The following ERBB4 variants were observed in gnomAD, a reference collection of about 807,000 sequenced individuals.
ERBB4 encodes erb-b2 receptor tyrosine kinase 4.
Under a neutral mutation model 158.0 loss-of-function variants are expected in ERBB4, and 42 were observed. The ratio of observed to expected loss-of-function variants is 0.27; its 90% CI spans 0.21 to 0.34. ERBB4 has a LOEUF of 0.34. ERBB4 is among the 10% of genes least tolerant of loss of function. The probability of loss-of-function intolerance (pLI) is 1.00; values close to 1 mark genes in which losing one functional copy is unlikely to be tolerated. For missense variants in ERBB4, 1,333 were observed against 1,624.1 expected (o/e 0.82, Z 3.08); for synonymous variants, 583 against 558.7 (o/e 1.04, Z -0.61).
intron 1 of ERBB4, among the ~76,000 whole-genome samples, chr2:212,506,318 C>T (rs1691193663): frequency 6.7e-6 from 1 of 148,372 alleles, no homozygotes; most frequent in Non-Finnish European, 1.5e-5. Context: ...AATAACCATA[C>T]AATGGTCTTT....
rs570131138 is a variant in ERBB4 at position 211,382,687 on chromosome 2, A to G, written c.*928T>C. 6.9e-4 allele frequency: 161 copies of G among 232,704 alleles called. 2 individuals carry two copies. The Middle Eastern group carries it at 0.017, about 24-fold the overall frequency. 14.4% of individuals were successfully genotyped at this position (232,704 alleles called of 1,614,324 possible). ...TCTTAGTTTCCCTTCTACTCTTCAG[A>G]CAACCAACGGCCTATCAAGTAGTGT... On this transcript the variant is annotated 3_prime_UTR_variant, in exon 28 of 28. Transcript: ENST00000342788.
Position 211,858,135 on chromosome 2 carries a change from GAAGA to G in ERBB4, c.422-69980_422-69977del, listed in dbSNP as rs977178642. ...AGGGAAATAAGACTGAAGGAGGTGAGAAGAAAGAGAGTGTGGAAGAGGTGAAGAA... is the reference window on the plus strand; with the variant it reads ...AGGGAAATAAGACTGAAGGAGGTGAGAAGAGAGTGTGGAAGAGGTGAAGAA... On this transcript the variant is annotated intron_variant, in intron 3 of 27. Coordinates refer to ENST00000342788, the MANE Select transcript of ERBB4 (RefSeq NM_005235.3). 2.0e-5 allele frequency among the ~76,000 whole-genome samples: 3 copies of G among 152,320 alleles called. No individual in the cohort carries two copies. The East Asian group carries it at 5.8e-4, about 29-fold the overall frequency.
In ERBB4 at chr2:211,982,609, G is replaced by C. The variant is rs1238094379; in HGVS notation, c.235-34993C>G. 2.0e-5 allele frequency among the ~76,000 whole-genome samples: 3 copies of C among 152,150 alleles called. No homozygotes were observed. The East Asian group carries it at 5.8e-4, about 29-fold the overall frequency. ...AAATTGTGAAAGACTTTGGACAAAAGGAATACTGGGAGTCCTTTCAATAGA... is the reference window on the plus strand; with the variant it reads ...AAATTGTGAAAGACTTTGGACAAAACGAATACTGGGAGTCCTTTCAATAGA... On this transcript the variant is annotated intron_variant, in intron 2 of 27. Transcript: ENST00000342788.
At chr2:211,850,791 A>G (rs1444251143) in intron 3 of ERBB4, among the ~76,000 whole-genome samples, 1 of 151,936 alleles carries the variant, frequency 6.6e-6, no homozygotes, top group Admixed American at 6.6e-5. Flanking sequence ...AATATTATCT[A>G]CAGACAGGTA....
intron 1 of ERBB4, among the ~76,000 whole-genome samples, chr2:212,520,528 T>A (rs1189397930): frequency 6.6e-6 from 1 of 151,936 alleles, no homozygotes; most frequent in African/African-American, 2.4e-5. Context: ...CCCATATTGT[T>A]CTGGAGCACC....
At chr2:212,157,748 C>T (rs1187013338) in intron 1 of ERBB4, among the ~76,000 whole-genome samples, 2 of 151,950 alleles carry the variant, frequency 1.3e-5, no homozygotes, top group Non-Finnish European at 2.9e-5. Context: ...TTGTTTAGTG[C>T]CTGGCACAAA....
chr2:211,607,888 T>TC (rs35895749), intron 19 of ERBB4, among the ~76,000 whole-genome samples: 80,223 of 118,494 alleles, frequency 0.68, 29,004 homozygotes, highest in Non-Finnish European at 0.79. Flanking sequence ...TTTTTTTTTT[T>TC]AGACAGGGTC....
intron 20 of ERBB4, among the ~76,000 whole-genome samples, chr2:211,441,718 TC>T (rs1463379248): frequency 6.6e-6 from 1 of 152,108 alleles, no homozygotes; most frequent in African/African-American, 2.4e-5. Context: ...CCTTCCATCC[TC>T]CTTACCATGT....
intron 3 of ERBB4, among the ~76,000 whole-genome samples, chr2:211,874,001 A>C (rs1025583159): frequency 2.0e-4 from 30 of 152,080 alleles, no homozygotes; most frequent in Non-Finnish European, 2.9e-5. Flanking sequence ...GAATGTGTTA[A>C]AAGCTTTGTT....
intron 24 of ERBB4, 46 bp downstream of exon 24, chr2:211,421,961 G>A (rs1386224728): frequency 8.5e-7 from 1 of 1,173,576 alleles, no homozygotes; most frequent in Non-Finnish European, 1.3e-6. Flanking sequence ...TTTGCAGTGA[G>A]TTTGCCATTG....
chr2:212,292,472 C>G (rs2086242497), intron 1 of ERBB4, among the ~76,000 whole-genome samples: 1 of 151,774 alleles, frequency 6.6e-6, no homozygotes, highest in African/African-American at 2.4e-5. Context: ...ATTTCTAGTA[C>G]CTTTAGTGAT....
chr2:212,439,522 G>T (rs143742727), intron 1 of ERBB4, among the ~76,000 whole-genome samples: 18 of 152,066 alleles, frequency 1.2e-4, no homozygotes, highest in African/African-American at 4.1e-4. Context: ...ACACATTCAG[G>T]TTACTAAGGT....
In ERBB4 at chr2:212,234,801, A is replaced by G. The variant is rs182804278; in HGVS notation, c.83-109898T>C. On this transcript the variant is annotated intron_variant, in intron 1 of 27. Coordinates refer to ENST00000342788, the MANE Select transcript of ERBB4 (RefSeq NM_005235.3). ...CTTCTTTTGAGAAATGTCTGTTCGT[A>G]TCCTTTGTCCACTTTTTGATGGGTT... Among the ~76,000 whole-genome samples, 62 of 152,198 alleles carry G rather than the reference A, an allele frequency of 4.1e-4. 1 individual carries two copies. Among genetic ancestry groups the G allele is most frequent in the African/African-American group, 1.3e-3 (52 of 41,528 alleles).
At chr2:212,155,877 T>G (rs1370332450) in intron 1 of ERBB4, among the ~76,000 whole-genome samples, 1 of 152,162 alleles carries the variant, frequency 6.6e-6, no homozygotes, top group Non-Finnish European at 1.5e-5. Context: ...GCTAGAGCTT[T>G]TAATTAATTA....
chr2:212,353,475 TA>T (rs1020245677), intron 1 of ERBB4, among the ~76,000 whole-genome samples: 2 of 150,068 alleles, frequency 1.3e-5, no homozygotes, highest in Non-Finnish European at 3.0e-5. Context: ...TATACATATA[TA>T]AAATACAAAT....
chr2:211,969,152 T>C (rs2125195687), intron 2 of ERBB4, among the ~76,000 whole-genome samples: 1 of 152,018 alleles, frequency 6.6e-6, no homozygotes, highest in South Asian at 2.1e-4. Flanking sequence ...ATTTTTAAAG[T>C]GTATAAAAGC....
intron 16 of ERBB4, among the ~76,000 whole-genome samples, chr2:211,641,207 C>T (rs1024848378): frequency 2.6e-5 from 4 of 152,030 alleles, no homozygotes; most frequent in Admixed American, 2.6e-4. Context: ...TCTCTAGGAA[C>T]ATTCAAAATG....
chr2:212,237,799 C>G (rs926018071), intron 1 of ERBB4, among the ~76,000 whole-genome samples: 1 of 152,234 alleles, frequency 6.6e-6, no homozygotes, highest in Non-Finnish European at 1.5e-5. Context: ...TCTAGAGAGG[C>G]AGCCTGGCTA....
intron 3 of ERBB4, among the ~76,000 whole-genome samples, chr2:211,869,827 T>G (rs1404047861): frequency 1.3e-5 from 2 of 152,170 alleles, no homozygotes; most frequent in African/African-American, 4.8e-5. Context: ...TCTTCATGAT[T>G]TACAAACTCT....
Sources: gnomAD v4.1 joint callset for allele counts (sites outside exome capture counted in the v4.1 genomes callset) on GRCh38, gnomAD v4.1.1 for gene constraint, MANE v1.5 for transcripts, NCBI Gene and HGNC (gene_info 2026-07-23, HGNC 2026-07-21) for gene names.